Variants in USH2A observed in about 807,000 individuals in gnomAD.
USH2A encodes the protein Usher syndrome 2A (autosomal recessive, mild).
USH2A carries 443 observed loss-of-function variants against 538.9 expected under a neutral mutation model. The ratio of observed to expected loss-of-function variants is 0.82; its 90% CI spans 0.76 to 0.89. The LOEUF (loss-of-function observed/expected upper bound fraction) is 0.89, where lower values mean the gene tolerates loss of function less well. Ranked by LOEUF, USH2A falls within the 40% of genes least tolerant of loss-of-function variation. The pLI, the probability that USH2A is intolerant of heterozygous loss-of-function variation, is 0.00. For missense variants in USH2A, 6,633 were observed against 6,324.8 expected (o/e 1.05, Z -1.65); for synonymous variants, 2,413 against 2,273.5 (o/e 1.06, Z -1.75).
At chr1:216,222,720 T>A (rs2035480703) in intron 14 of USH2A, among the ~76,000 whole-genome samples, 1 of 152,204 alleles carries the variant, frequency 6.6e-6, no homozygotes, top group African/African-American at 2.4e-5. Flanking sequence ...GGCTCACGCC[T>A]GTAATCCCAG....
Position 215,976,816 on chromosome 1 carries a change from T to C in USH2A, c.6806-6040A>G, listed in dbSNP as rs116610968. ...CAGGAATATTGGCCTGTAGTTTCCT[T>C]TTTTAGTTGTGTCTTTGACAAGTTT... On this transcript the variant is annotated intron_variant, in intron 35 of 71. Coordinates refer to ENST00000307340, the MANE Select transcript of USH2A (RefSeq NM_206933.4). Among the ~76,000 whole-genome samples, 1,182 of 152,188 alleles carry C rather than the reference T, an allele frequency of 7.8e-3. 15 individuals are homozygous for C. Among genetic ancestry groups the C allele is most frequent in the African/African-American group, 0.027 (1,106 of 41,542 alleles).
intron 30 of USH2A, among the ~76,000 whole-genome samples, chr1:216,065,649 A>C (rs1473985180): frequency 3.7e-4 from 56 of 152,134 alleles, no homozygotes; most frequent in African/African-American, 1.3e-3. Context: ...GTAATCCCAG[A>C]ACTTTGGGAG....
rs191559480 is a variant in USH2A, at chr1:216,411,328, A to T, written c.651+7186T>A. Among the ~76,000 whole-genome samples, 7 of 152,252 alleles carry T rather than the reference A, an allele frequency of 4.6e-5. No homozygotes were observed. The East Asian group carries it at 1.4e-3, about 29-fold the overall frequency. On this transcript the variant is annotated intron_variant, in intron 3 of 71. Coordinates refer to ENST00000307340, the MANE Select transcript of USH2A (RefSeq NM_206933.4). The stretch of plus-strand genomic sequence containing the variant: ...CTATGCATTCTTTTGAATAAATCTT[A>T]CTATCAGTTGAACTGTGTCCCATCA...
rs748786485 is a variant in USH2A at position 215,758,889 on chromosome 1, T to G, written c.11232-137A>C. On this transcript the variant is annotated intron_variant, in intron 57 of 71. Transcript: ENST00000307340. ...ACTCTTTGCCCCCTTTCCAGAAACTTGACTTGGTAGTTTTTCTTGCACAGG... is the reference window on the plus strand; with the variant it reads ...ACTCTTTGCCCCCTTTCCAGAAACTGGACTTGGTAGTTTTTCTTGCACAGG... The G allele has an allele frequency of 2.8e-5, 25 of 908,878 alleles. No homozygotes were observed. In the Admixed American group the frequency reaches 5.2e-4, roughly 19 times the overall value. The allele number at this position is 908,878 out of a possible 1,614,324, so 56.3% of individuals were successfully genotyped here. A position where few individuals can be genotyped will look rare whatever the true frequency, so the allele number is the denominator to read the frequency against.
At chr1:215,638,070 C>T (rs1656554994) in intron 69 of USH2A, among the ~76,000 whole-genome samples, 1 of 152,032 alleles carries the variant, frequency 6.6e-6, no homozygotes, top group African/African-American at 2.4e-5. Context: ...CAATCATAAT[C>T]TTTTATGGAG....
chr1:216,278,567 A>C (rs953998371), intron 11 of USH2A, among the ~76,000 whole-genome samples: 2 of 152,206 alleles, frequency 1.3e-5, no homozygotes, highest in Admixed American at 6.5e-5. Context: ...GGCTTGTGCC[A>C]AGACCTTTCT....
intron 9 of USH2A, among the ~76,000 whole-genome samples, chr1:216,307,656 C>T (rs1262069113): frequency 1.3e-5 from 2 of 152,192 alleles, no homozygotes; most frequent in African/African-American, 4.8e-5. Flanking sequence ...TTTCCTTCTC[C>T]TTGTGGTCTT....
At position 215,782,108 on chromosome 1, in the gene USH2A, T is replaced by G; in HGVS notation, c.10674A>C (p.Gln3558His). 6.2e-7 allele frequency: 1 copy of G among 1,614,058 alleles called. No individual in the cohort carries two copies. Among genetic ancestry groups the G allele is most frequent in the Non-Finnish European group, 8.5e-7 (1 of 1,179,912 alleles). Residue 3558 changes from glutamine to histidine, a missense_variant, in exon 54 of 72, where the codon CAA becomes CAC. Coordinates refer to ENST00000307340, the MANE Select transcript of USH2A (RefSeq NM_206933.4). ...GCTGATATGAATATTCCTGAAATGG[T>G]TGAATTCCCTCTTTATCAGAGAAGC... The part of the protein sequence containing the change: ...SLSFSDKEGI[Q>H]PFQEYSYQLK...
intron 21 of USH2A, among the ~76,000 whole-genome samples, chr1:216,132,703 G>A (rs754367388): frequency 3.9e-5 from 6 of 152,052 alleles, no homozygotes; most frequent in Admixed American, 6.6e-5. Context: ...GCTGGTGTCA[G>A]TGGCCTTGCT....
intron 27 of USH2A, among the ~76,000 whole-genome samples, chr1:216,073,938 T>C (rs991389469): frequency 1.2e-4 from 18 of 152,212 alleles, no homozygotes; most frequent in Non-Finnish European, 2.4e-4. Context: ...CAGAGTTCCA[T>C]AATCTTGAAC....
intron 32 of USH2A, among the ~76,000 whole-genome samples, chr1:216,016,116 T>C (rs1668704847): frequency 6.7e-6 from 1 of 148,782 alleles, no homozygotes; most frequent in Non-Finnish European, 1.5e-5. Context: ...CACCGCATGT[T>C]CTCACTCATA....
intron 49 of USH2A, among the ~76,000 whole-genome samples, chr1:215,805,495 T>C (rs188198616): frequency 3.3e-5 from 5 of 152,112 alleles, no homozygotes; most frequent in African/African-American, 1.2e-4. Context: ...AAAAGAGCTC[T>C]AGAGATGGAT....
At chr1:215,818,762 T>A (rs1224881471) in intron 47 of USH2A, among the ~76,000 whole-genome samples, 1 of 151,822 alleles carries the variant, frequency 6.6e-6, no homozygotes, top group Non-Finnish European at 1.5e-5. Flanking sequence ...GAACTTAAAT[T>A]CTGCACTTAG....
At chr1:215,763,912 T>A (rs2251458) in intron 56 of USH2A, among the ~76,000 whole-genome samples, 29,746 of 151,962 alleles carry the variant, frequency 0.2, 4,449 homozygotes, top group African/African-American at 0.42. Context: ...TTATAAAAAA[T>A]TATGTATTAC....
chr1:216,086,810 G>C lies in USH2A; in HGVS notation c.4896C>G (p.Ala1632=), dbSNP rs1179840994. The change falls in exon 24 of 72, where the codon GCC becomes GCG. Residue 1632 remains alanine, a synonymous_variant. Transcript: ENST00000307340. ...CAATAACAGTACTACCATTCAGGAT[G>C]GCAGAGGAACCTAGAGAAGAGGAGA... The part of the protein sequence containing the change: ...TLDGIYTGSS[A]ILNGSTVIGD... 1 of 1,612,442 alleles carries C rather than the reference G, an allele frequency of 6.2e-7. No homozygotes were observed. Among genetic ancestry groups the C allele is most frequent in the Non-Finnish European group, 8.5e-7 (1 of 1,178,978 alleles).
chr1:216,329,057 C>G (rs1421348848), intron 4 of USH2A, among the ~76,000 whole-genome samples: 3 of 152,260 alleles, frequency 2.0e-5, no homozygotes, highest in Non-Finnish European at 2.9e-5. Context: ...TAGGCAGCCT[C>G]CTGCTCTGAC....
At chr1:216,309,865 T>G (rs1005383977) in intron 9 of USH2A, among the ~76,000 whole-genome samples, 3 of 152,208 alleles carry the variant, frequency 2.0e-5, no homozygotes, top group Non-Finnish European at 4.4e-5. Context: ...TTTTGAATGC[T>G]GAACCAGTCT....
intron 38 of USH2A, among the ~76,000 whole-genome samples, chr1:215,913,188 A>G (rs116650654): frequency 6.6e-6 from 1 of 152,234 alleles, no homozygotes; most frequent in Non-Finnish European, 1.5e-5. Context: ...GTGCCAGGTG[A>G]TGGGTGCATA....
intron 40 of USH2A, among the ~76,000 whole-genome samples, chr1:215,892,907 T>G (rs1571787905): frequency 6.6e-6 from 1 of 152,176 alleles, no homozygotes; most frequent in Non-Finnish European, 1.5e-5. Flanking sequence ...CGGGAACTAT[T>G]TTTCTCTATT....
Sources: gnomAD v4.1 joint callset for allele counts (sites outside exome capture counted in the v4.1 genomes callset) on GRCh38, gnomAD v4.1.1 for gene constraint, MANE v1.5 for transcripts, NCBI Gene and HGNC (gene_info 2026-07-23, HGNC 2026-07-21) for gene names.